The following EHHADH variants were observed in gnomAD, a reference collection of about 807,000 sequenced individuals.
EHHADH encodes the protein peroxisomal bifunctional enzyme.
EHHADH carries 48 observed loss-of-function variants against 64.4 expected under a neutral mutation model. The ratio of observed to expected loss-of-function variants is 0.75; its 90% confidence interval spans 0.59 to 0.95. The LOEUF (loss-of-function observed/expected upper bound fraction) is 0.95, where lower values mean the gene tolerates loss of function less well. Ranked by LOEUF, EHHADH falls within the 40% of genes least tolerant of loss-of-function variation. EHHADH has a pLI of 0.00. For missense variants in EHHADH, 854 were observed against 876.6 expected (o/e 0.97, Z 0.33); for synonymous variants, 308 against 326.7 (o/e 0.94, Z 0.62).
At chr3:185,215,640 T>C (rs1361763959) in intron 5 of EHHADH, among the ~76,000 whole-genome samples, 1 of 152,140 alleles carries the variant, frequency 6.6e-6, no homozygotes, top group African/African-American at 2.4e-5. Flanking sequence ...TGCATGAATT[T>C]TATCTGTAGA....
rs144954011 is a variant in EHHADH at position 185,205,122 on chromosome 3, A to G, written c.569-365T>C. On this transcript the variant is annotated intron_variant, in intron 5 of 6. Transcript: ENST00000231887. ...AATATTAATATATTAAATATTAATG[A>G]GTCTAAGGAAAACGGTTCTGAGTTA... Among the ~76,000 whole-genome samples the G allele has an allele frequency of 5.5e-3, 841 of 151,806 alleles. 12 individuals are homozygous for G. The highest frequency in any genetic ancestry group is 0.019 in the African/African-American group (808 of 41,496).
intron 6 of EHHADH, among the ~76,000 whole-genome samples, chr3:185,200,021 C>A (rs1400837223): frequency 1.3e-5 from 2 of 152,196 alleles, no homozygotes; most frequent in Admixed American, 1.3e-4. Context: ...AGTTTGCTGA[C>A]CCTTATCATG....
chr3:185,253,941 C>T lies in EHHADH; in HGVS notation c.74+8G>A. 1 of 1,614,070 alleles carries T rather than the reference C, an allele frequency of 6.2e-7. No homozygotes were observed. The highest frequency in any genetic ancestry group is 1.7e-5 in the Admixed American group (1 of 60,028). ...GGTCCCCGGGCTGGAGGCGACCGAG[C>T]CCGTTACCTGATCGCGTTGACCGGC... On this transcript the variant is annotated splice_region_variant and intron_variant, in intron 1 of 6. Transcript: ENST00000231887.
chr3:185,201,606 T>C (rs1718228882), intron 6 of EHHADH, among the ~76,000 whole-genome samples: 1 of 152,158 alleles, frequency 6.6e-6, no homozygotes, highest in African/African-American at 2.4e-5. Flanking sequence ...ATCACGAAGA[T>C]GAAACGCATG....
Position 185,204,513 on chromosome 3 carries a change from AGCATATTGCAG to A in EHHADH, c.802_812del (p.Leu268PhefsTer4). 6.2e-7 allele frequency: 1 copy of A among 1,614,186 alleles called. No homozygotes were observed. The highest frequency in any genetic ancestry group is 1.1e-5 in the South Asian group (1 of 91,082). On this transcript the variant is annotated frameshift_variant, in exon 6 of 7. Coordinates refer to ENST00000231887, the MANE Select transcript of EHHADH (RefSeq NM_001966.4). LOFTEE classifies it high-confidence loss of function. ...TATTTGCTTTCCTTTCAGCGAAGAAAGCATATTGCAGGGCTCTAGCCTGCCCTGATTGCAAA... is the reference window on the plus strand; with the variant it reads ...TATTTGCTTTCCTTTCAGCGAAGAAAGGCTCTAGCCTGCCCTGATTGCAAA...
Position 185,213,119 on chromosome 3 carries a change from CAAA to C in EHHADH, c.568+5014_568+5016del, listed in dbSNP as rs550233979. Among the ~76,000 whole-genome samples, 176 of 43,036 alleles carry C rather than the reference CAAA, an allele frequency of 4.1e-3. 2 individuals carry two copies. The highest frequency in any genetic ancestry group is 0.013 in the African/African-American group (167 of 12,462). The allele number at this position is 43,036 out of a possible 152,430, so 28.2% of individuals were successfully genotyped here. ...TGGGTGAAGAAGCAAGACTCTGTCTCAAAAAAAAAAAAAAAAAAAAAAAAAAAG... is the reference window on the plus strand; with the variant it reads ...TGGGTGAAGAAGCAAGACTCTGTCTCAAAAAAAAAAAAAAAAAAAAAAAAG... On this transcript the variant is annotated intron_variant, in intron 5 of 6. Coordinates refer to ENST00000231887, the MANE Select transcript of EHHADH (RefSeq NM_001966.4).
intron 5 of EHHADH, among the ~76,000 whole-genome samples, chr3:185,215,474 T>C (rs1048042951): frequency 1.3e-5 from 2 of 152,106 alleles, no homozygotes; most frequent in Non-Finnish European, 2.9e-5. Context: ...TGACAGAAAG[T>C]AGGTCACTGG....
At chr3:185,241,735 C>G (rs184844514) in intron 2 of EHHADH, among the ~76,000 whole-genome samples, 1 of 152,242 alleles carries the variant, frequency 6.6e-6, no homozygotes, top group Non-Finnish European at 1.5e-5. Flanking sequence ...GATTTTCCCC[C>G]ACTCTGTGGG....
intron 1 of EHHADH, among the ~76,000 whole-genome samples, chr3:185,251,992 A>C (rs865910083): frequency 3.3e-5 from 5 of 152,332 alleles, no homozygotes; most frequent in African/African-American, 1.2e-4. Flanking sequence ...CAGCTGATTT[A>C]AACTTCACAA....
At chr3:185,252,620 G>A (rs1314590679) in intron 1 of EHHADH, among the ~76,000 whole-genome samples, 7 of 152,010 alleles carry the variant, frequency 4.6e-5, no homozygotes, top group Non-Finnish European at 8.8e-5. Flanking sequence ...TTTATTCTGG[G>A]AATGGCAAGT....
intron 2 of EHHADH, among the ~76,000 whole-genome samples, chr3:185,239,776 T>C (rs1369543184): frequency 1.3e-5 from 2 of 152,206 alleles, no homozygotes; most frequent in Non-Finnish European, 2.9e-5. Flanking sequence ...TTTATTTCTT[T>C]CTGTTGCCTG....
chr3:185,194,865 T>G (rs1055009272), intron 6 of EHHADH, among the ~76,000 whole-genome samples: 1 of 136,028 alleles, frequency 7.4e-6, no homozygotes, highest in African/African-American at 2.7e-5. Context: ...AAGATAGTGG[T>G]CATTGCAAAA....
intron 6 of EHHADH, among the ~76,000 whole-genome samples, chr3:185,202,445 A>G (rs1157109565): frequency 6.6e-6 from 1 of 152,190 alleles, no homozygotes; most frequent in African/African-American, 2.4e-5. Context: ...CTTTGATACC[A>G]AAGTTGAATT....
chr3:185,234,953 T>G (rs1719247298), intron 3 of EHHADH, among the ~76,000 whole-genome samples: 1 of 152,058 alleles, frequency 6.6e-6, no homozygotes, highest in African/African-American at 2.4e-5. Context: ...GAAGCCAAGG[T>G]GGGTGGTCAC....
At chr3:185,236,241 T>A (rs1719289165) in intron 2 of EHHADH, among the ~76,000 whole-genome samples, 1 of 152,192 alleles carries the variant, frequency 6.6e-6, no homozygotes, top group South Asian at 2.1e-4. Flanking sequence ...GGCATTAGAT[T>A]CTCACAGGAG....
At chr3:185,213,257 C>G (rs953397533) in intron 5 of EHHADH, among the ~76,000 whole-genome samples, 2 of 151,750 alleles carry the variant, frequency 1.3e-5, no homozygotes, top group Admixed American at 1.3e-4. Flanking sequence ...AGTGTGGTCC[C>G]CAGAACACAG....
At chr3:185,235,736 C>T (rs1433926833) in intron 2 of EHHADH, among the ~76,000 whole-genome samples, 2 of 151,848 alleles carry the variant, frequency 1.3e-5, no homozygotes, top group African/African-American at 4.8e-5. Context: ...TCTATCTTTC[C>T]ATATAATAAG....
intron 3 of EHHADH, among the ~76,000 whole-genome samples, chr3:185,234,180 T>C (rs1157037331): frequency 6.6e-6 from 1 of 152,194 alleles, no homozygotes; most frequent in Non-Finnish European, 1.5e-5. Flanking sequence ...CCATTATATA[T>C]ACTGTGATAC....
At chr3:185,240,842 G>T (rs563389579) in intron 2 of EHHADH, among the ~76,000 whole-genome samples, 1 of 151,736 alleles carries the variant, frequency 6.6e-6, no homozygotes, top group Non-Finnish European at 1.5e-5. Flanking sequence ...TGGGGTACAG[G>T]TGGTGTTTGG....
Sources: allele counts gnomAD v4.1 joint callset (sites outside exome capture counted in the v4.1 genomes callset), GRCh38; gene constraint gnomAD v4.1.1; transcripts MANE v1.5; gene names NCBI Gene and HGNC (gene_info 2026-07-23, HGNC 2026-07-21).